The following HRK variants were observed in gnomAD, a reference collection of about 807,000 sequenced individuals.
The protein encoded by HRK is harakiri, BCL2 interacting protein.
HRK carries 6 observed loss-of-function variants against 5.9 expected under a neutral mutation model. The ratio of observed to expected loss-of-function variants is 1.02; its 90% CI spans 0.56 to 2.01. The LOEUF (loss-of-function observed/expected upper bound fraction) is 2.01, where lower values mean the gene tolerates loss of function less well. HRK is among the 30% of genes most tolerant of loss of function. HRK has a pLI of 0.00. For synonymous variants in HRK, 85 were observed against 65.1 expected (o/e 1.31, Z -1.47); for missense variants, 133 against 128.3 (o/e 1.04, Z -0.18).
intron 1 of HRK, 115 bp downstream of exon 1, chr12:116,880,861 A>T (rs1485476346): frequency 2.8e-6 from 1 of 362,680 alleles, no homozygotes. Flanking sequence ...GAACGGAGGA[A>T]GAAGGAGAAG....
Position 116,857,085 on chromosome 12 carries a change from A to G in HRK, c.*4438T>C, listed in dbSNP as rs1878179131. The G allele has an allele frequency of 6.6e-6, 1 of 152,220 alleles. No individual in the cohort carries two copies. The allele number at this position is 152,220 out of a possible 1,614,324, so 9.4% of individuals were successfully genotyped here. ...GCAGGGCTCTCAGTAAATACTATAT[A>G]ACAATCTGCCAGCAAAGCTTGGGGT... On this transcript the variant is annotated 3_prime_UTR_variant, in exon 2 of 2. Transcript: ENST00000257572.
rs1161124540 is a variant in HRK at position 116,858,196 on chromosome 12, A to G, written c.*3327T>C. 1 of 151,896 alleles carries G rather than the reference A, an allele frequency of 6.6e-6. No homozygotes were observed. 9.4% of individuals were successfully genotyped at this position (151,896 alleles called of 1,614,324 possible). A position where few individuals can be genotyped will look rare whatever the true frequency, so the allele number is the denominator to read the frequency against. On this transcript the variant is annotated 3_prime_UTR_variant, in exon 2 of 2. Transcript: ENST00000257572. ...CGCAGGGCCAAAAAAAACCCAAAAAAAAACAAAACAGGAACTGGGGTCTAG... is the reference window on the plus strand; with the variant it reads ...CGCAGGGCCAAAAAAAACCCAAAAAGAAACAAAACAGGAACTGGGGTCTAG...
chr12:116,870,858 A>C (rs967976424), intron 1 of HRK, among the ~76,000 whole-genome samples: 2 of 152,182 alleles, frequency 1.3e-5, no homozygotes, highest in African/African-American at 4.8e-5. Context: ...CAGTGTTTCC[A>C]GATCTTGACA....
At chr12:116,870,751 G>A (rs1254226983) in intron 1 of HRK, among the ~76,000 whole-genome samples, 1 of 152,144 alleles carries the variant, frequency 6.6e-6, no homozygotes, top group Non-Finnish European at 1.5e-5. Flanking sequence ...AGTGAGCCCT[G>A]ATTGTGCCAT....
chr12:116,863,226 A>G (rs1878428644), intron 1 of HRK, among the ~76,000 whole-genome samples: 1 of 152,212 alleles, frequency 6.6e-6, no homozygotes, highest in Non-Finnish European at 1.5e-5. Context: ...GACTTGCATG[A>G]ACTGTAGCAG....
rs1345305187 is a variant in HRK, at chr12:116,879,288, T to A, written c.*56+1688A>T. ...CTTTCCTTCTCATTCACTTTTCAATTGTCTTGCAACTTGTTTTCCAGGCAG... is the reference window on the plus strand; with the variant it reads ...CTTTCCTTCTCATTCACTTTTCAATAGTCTTGCAACTTGTTTTCCAGGCAG... On this transcript the variant is annotated intron_variant, in intron 1 of 1. Coordinates refer to ENST00000257572, the MANE Select transcript of HRK (RefSeq NM_003806.4). This position sits in a 1 kb window ranked among gnomAD's most constrained non-coding sequence, Gnocchi z 5.6. 6.6e-6 allele frequency: 1 copy of A among 152,348 alleles called. No individual in the cohort carries two copies. Among genetic ancestry groups the A allele is most frequent in the Non-Finnish European group, 1.5e-5 (1 of 68,120 alleles). The allele number at this position is 152,348 out of a possible 1,614,324, so 9.4% of individuals were successfully genotyped here. A position where few individuals can be genotyped will look rare whatever the true frequency, so the allele number is the denominator to read the frequency against.
intron 1 of HRK, among the ~76,000 whole-genome samples, chr12:116,867,437 C>T (rs942653564): frequency 6.6e-6 from 1 of 152,120 alleles, no homozygotes; most frequent in Admixed American, 6.5e-5. Context: ...AGCCACTGCG[C>T]CCGGCCACAA....
rs1878411838 is a variant in HRK, at chr12:116,862,744, GTTT to G, written c.*57-1281_*57-1279del. Among the ~76,000 whole-genome samples, 2 of 129,608 alleles carry G rather than the reference GTTT, an allele frequency of 1.5e-5. No homozygotes were observed. The highest frequency in any genetic ancestry group is 5.7e-5 in the African/African-American group (2 of 35,396). 85.0% of individuals were successfully genotyped at this position (129,608 alleles called of 152,430 possible). On this transcript the variant is annotated intron_variant, in intron 1 of 1. Transcript: ENST00000257572. This position sits in a 1 kb window ranked among gnomAD's most constrained non-coding sequence, Gnocchi z 4.0. ...TGTTTGTTTGTTTGTTTGTTTGTTT[GTTT>G]TTGAGACAAGGTCTCGTTCTGTTGC...
chr12:116,862,261 T>C lies in HRK; in HGVS notation c.*57-795A>G, dbSNP rs1035877412. ...AGCATCCACCACAGAATGCACAAAATGTGTGCACAAATGCTCATGGCAGAA... is the reference window on the plus strand; with the variant it reads ...AGCATCCACCACAGAATGCACAAAACGTGTGCACAAATGCTCATGGCAGAA... On this transcript the variant is annotated intron_variant, in intron 1 of 1. Coordinates refer to ENST00000257572, the MANE Select transcript of HRK (RefSeq NM_003806.4). The surrounding 1 kb of genome is among the most constrained non-coding windows in gnomAD (Gnocchi z 4.0). Among the ~76,000 whole-genome samples the C allele has an allele frequency of 6.6e-6, 1 of 152,122 alleles. No individual in the cohort carries two copies. Among genetic ancestry groups the C allele is most frequent in the Admixed American group, 6.5e-5 (1 of 15,276 alleles).
rs1879005903 is a variant in HRK at position 116,878,194 on chromosome 12, G to A, written c.*56+2782C>T. Among the ~76,000 whole-genome samples the A allele has an allele frequency of 6.6e-6, 1 of 152,204 alleles. No individual in the cohort carries two copies. Among genetic ancestry groups the A allele is most frequent in the Non-Finnish European group, 1.5e-5 (1 of 68,048 alleles). ...GCCTCCCAAAGTGCTGGAATTACAG[G>A]CGTGAGCCAACCTGCCTGGCCTGTA... On this transcript the variant is annotated intron_variant, in intron 1 of 1. Transcript: ENST00000257572. The surrounding 1 kb of genome is among the most constrained non-coding windows in gnomAD (Gnocchi z 4.4).
rs899900547 is a variant in HRK, at chr12:116,857,010, T to C, written c.*4513A>G. The C allele has an allele frequency of 1.4e-4, 22 of 152,390 alleles. No homozygotes were observed. Among genetic ancestry groups the C allele is most frequent in the Admixed American group, 9.8e-4 (15 of 15,312 alleles). The allele number at this position is 152,390 out of a possible 1,614,324, so 9.4% of individuals were successfully genotyped here. A position where few individuals can be genotyped will look rare whatever the true frequency, so the allele number is the denominator to read the frequency against. On this transcript the variant is annotated 3_prime_UTR_variant, in exon 2 of 2. Coordinates refer to ENST00000257572, the MANE Select transcript of HRK (RefSeq NM_003806.4). ...AAAGCAGCAAGGACCAGTCTGTTCA[T>C]GCTGGAAATGAGTCGAGATTGCAGG...
intron 1 of HRK, among the ~76,000 whole-genome samples, chr12:116,865,802 C>T (rs544672101): frequency 1.1e-4 from 17 of 152,212 alleles, no homozygotes; most frequent in Non-Finnish European, 2.2e-4. Context: ...AGCACAACGC[C>T]CAGCGTATAC....
intron 1 of HRK, among the ~76,000 whole-genome samples, chr12:116,866,157 C>CA (rs10682657): frequency 0.043 from 3,955 of 92,108 alleles, 435 homozygotes; most frequent in East Asian, 0.14. Flanking sequence ...GATTCCATCT[C>CA]AAAAAAAAAA....
chr12:116,864,713 A>C (rs1245528059), intron 1 of HRK, among the ~76,000 whole-genome samples: 1 of 152,154 alleles, frequency 6.6e-6, no homozygotes, highest in Non-Finnish European at 1.5e-5. Flanking sequence ...TAATCCCAGC[A>C]CTTCAGGAGA....
chr12:116,873,764 G>A (rs7303535), intron 1 of HRK, among the ~76,000 whole-genome samples: 4,011 of 152,264 alleles, frequency 0.026, 189 homozygotes, highest in African/African-American at 0.091. Flanking sequence ...AAGGTTCAGT[G>A]TGGGAAAGCT....
Position 116,857,813 on chromosome 12 carries a change from G to A in HRK, c.*3710C>T, listed in dbSNP as rs923687955. The A allele has an allele frequency of 1.3e-5, 2 of 152,178 alleles. No individual in the cohort carries two copies. Among genetic ancestry groups the A allele is most frequent in the Non-Finnish European group, 2.9e-5 (2 of 68,066 alleles). 9.4% of individuals were successfully genotyped at this position (152,178 alleles called of 1,614,324 possible). A position where few individuals can be genotyped will look rare whatever the true frequency, so the allele number is the denominator to read the frequency against. ...TCATGCCTGTAATCCCAGCACTTTG[G>A]GAGGCCAAGGCAGGTGGATCACTTG... is the stretch of plus-strand genomic sequence containing the variant. On this transcript the variant is annotated 3_prime_UTR_variant, in exon 2 of 2. Coordinates refer to ENST00000257572, the MANE Select transcript of HRK (RefSeq NM_003806.4).
rs1878300041 is a variant in HRK, at chr12:116,859,995, T to C, written c.*1528A>G. 1 of 152,278 alleles carries C rather than the reference T, an allele frequency of 6.6e-6. No individual in the cohort carries two copies. Among genetic ancestry groups the C allele is most frequent in the Non-Finnish European group, 1.5e-5 (1 of 68,078 alleles). The allele number at this position is 152,278 out of a possible 1,614,324, so 9.4% of individuals were successfully genotyped here. A position where few individuals can be genotyped will look rare whatever the true frequency, so the allele number is the denominator to read the frequency against. On this transcript the variant is annotated 3_prime_UTR_variant, in exon 2 of 2. Coordinates refer to ENST00000257572, the MANE Select transcript of HRK (RefSeq NM_003806.4). ...CATCCACCTTAAACATGGATCCCAC[T>C]GCTGGCGTCTTAGAACTGGAGCGGT...
At chr12:116,877,298 C>T (rs751662569) in intron 1 of HRK, among the ~76,000 whole-genome samples, 16 of 152,058 alleles carry the variant, frequency 1.1e-4, no homozygotes, top group Non-Finnish European at 1.8e-4. Flanking sequence ...TCAAGTGATC[C>T]GCCCACCTTG....
chr12:116,880,003 G>T (rs548519806), intron 1 of HRK, among the ~76,000 whole-genome samples: 1 of 152,240 alleles, frequency 6.6e-6, no homozygotes, highest in African/African-American at 2.4e-5. Context: ...CGATGCTTAC[G>T]CTGTGTGCTT....
Sources: allele counts gnomAD v4.1 joint callset (sites outside exome capture counted in the v4.1 genomes callset), GRCh38; gene constraint gnomAD v4.1.1; non-coding constraint Gnocchi (gnomAD v3.1); transcripts MANE v1.5; gene names NCBI Gene and HGNC (gene_info 2026-07-23, HGNC 2026-07-21).